Variants in MALRD1 observed in about 807,000 individuals in gnomAD.
MALRD1 encodes the protein MAM and LDL receptor class A domain containing 1, also known as MAM and LDL-receptor class A domain-containing protein 1.
A neutral mutation model predicts 242.1 loss-of-function variants in MALRD1; 247 were observed. That is an observed-to-expected ratio of 1.02 (90% confidence interval 0.92 to 1.13). MALRD1 has a LOEUF of 1.13. Ranked by LOEUF, MALRD1 falls within the 50% of genes most tolerant of loss-of-function variation. MALRD1 has a pLI of 0.00. For synonymous variants in MALRD1, 995 were observed against 866.6 expected, an observed-to-expected ratio of 1.15 and a Z score of -2.60; for missense variants, 2,989 against 2,533.1, an observed-to-expected ratio of 1.18 and a Z score of -3.86.
intron 36 of MALRD1, among the ~76,000 whole-genome samples, chr10:19,638,238 C>T (rs1023317059): frequency 9.9e-5 from 15 of 151,908 alleles, no homozygotes; most frequent in African/African-American, 2.9e-4. Context: ...AGGTCACATG[C>T]CAAAGGCTAC....
At position 19,158,056 on chromosome 10, in the gene MALRD1, A is replaced by G. The variant is rs144521582; in HGVS notation, c.1656+2884A>G. 8.7e-4 allele frequency among the ~76,000 whole-genome samples: 133 copies of G among 152,302 alleles called. 3 individuals carry two copies. In the East Asian group the frequency reaches 0.024, roughly 28 times the overall value. On this transcript the variant is annotated intron_variant, in intron 12 of 39. Coordinates refer to ENST00000454679, the MANE Select transcript of MALRD1 (RefSeq NM_001142308.3). ...AATTGGCATTTTTCTTTGAAATACA[A>G]GATAGGACAAACAGAACACGAGGGA...
At position 19,567,486 on chromosome 10, in the gene MALRD1, T is replaced by C. The variant is rs1387550160; in HGVS notation, c.5479-16T>C. The C allele has an allele frequency of 1.9e-6, 3 of 1,545,336 alleles. No homozygotes were observed. The highest frequency in any genetic ancestry group is 1.2e-5 in the South Asian group (1 of 83,054). On this transcript the variant is annotated splice_polypyrimidine_tract_variant and intron_variant, in intron 32 of 39. Coordinates refer to ENST00000454679, the MANE Select transcript of MALRD1 (RefSeq NM_001142308.3). The stretch of plus-strand genomic sequence containing the variant: ...ATATCCAATCATAAAAAGTTATTTT[T>C]TAATGATTTTTAAAGGTGTATACCA...
intron 35 of MALRD1, among the ~76,000 whole-genome samples, chr10:19,614,786 G>A (rs572190103): frequency 5.3e-5 from 8 of 152,136 alleles, no homozygotes; most frequent in African/African-American, 1.9e-4. Context: ...GACCAGGGAC[G>A]AACTTGAGTT....
intron 13 of MALRD1, among the ~76,000 whole-genome samples, chr10:19,174,047 ACTCT>A (rs1016661660): frequency 1.3e-5 from 2 of 152,114 alleles, no homozygotes; most frequent in African/African-American, 4.8e-5. Flanking sequence ...ACCAGGGAAA[ACTCT>A]CTATGTTTAT....
intron 24 of MALRD1, 31 bp downstream of exon 24, chr10:19,331,613 T>C (rs1007307016): frequency 7.3e-6 from 11 of 1,515,892 alleles, no homozygotes; most frequent in Non-Finnish European, 9.8e-6. Flanking sequence ...TTCTTACTTT[T>C]GCCTTCAACT....
intron 23 of MALRD1, among the ~76,000 whole-genome samples, chr10:19,328,560 G>C (rs765213510): frequency 3.9e-5 from 6 of 152,100 alleles, no homozygotes; most frequent in Non-Finnish European, 5.9e-5. Context: ...TGAATGTTCA[G>C]ATAAATACAT....
chr10:19,232,246 A>C (rs959026041), intron 18 of MALRD1, among the ~76,000 whole-genome samples: 2 of 151,964 alleles, frequency 1.3e-5, no homozygotes, highest in African/African-American at 2.4e-5. Flanking sequence ...TGCTCACTGC[A>C]ACCTCCACTT....
intron 38 of MALRD1, among the ~76,000 whole-genome samples, chr10:19,719,126 TG>T (rs1834567705): frequency 6.9e-6 from 1 of 144,924 alleles, no homozygotes; most frequent in African/African-American, 2.6e-5. Flanking sequence ...CACTCCAACC[TG>T]GGCAGCAGAG....
chr10:19,086,341 G>A (rs1835668330), intron 2 of MALRD1, among the ~76,000 whole-genome samples: 1 of 152,050 alleles, frequency 6.6e-6, no homozygotes, highest in Admixed American at 6.6e-5. Flanking sequence ...AGGTAGCTAT[G>A]TCATCATAGA....
intron 28 of MALRD1, among the ~76,000 whole-genome samples, chr10:19,408,171 G>C (rs1432183548): frequency 6.6e-6 from 1 of 152,164 alleles, no homozygotes; most frequent in Non-Finnish European, 1.5e-5. Flanking sequence ...TGGTCAACAG[G>C]CAGCAGGTGC....
At chr10:19,436,281 C>T (rs906838718) in intron 28 of MALRD1, among the ~76,000 whole-genome samples, 4 of 152,042 alleles carry the variant, frequency 2.6e-5, no homozygotes, top group African/African-American at 7.2e-5. Context: ...TGTAGAGATC[C>T]GTGAATATAC....
intron 32 of MALRD1, among the ~76,000 whole-genome samples, chr10:19,553,809 A>G (rs1342337917): frequency 6.6e-6 from 1 of 152,212 alleles, no homozygotes; most frequent in Non-Finnish European, 1.5e-5. Context: ...CTCTACTTCC[A>G]TTACTGATGG....
At chr10:19,573,310 A>G (rs1373471517) in intron 33 of MALRD1, among the ~76,000 whole-genome samples, 1 of 152,158 alleles carries the variant, frequency 6.6e-6, no homozygotes, top group Non-Finnish European at 1.5e-5. Flanking sequence ...CAAGGCTGGC[A>G]TGGCTCTGCA....
At chr10:19,382,675 T>G (rs566851869) in intron 26 of MALRD1, among the ~76,000 whole-genome samples, 80 of 152,298 alleles carry the variant, frequency 5.3e-4, no homozygotes, top group South Asian at 4.8e-3. Flanking sequence ...CTTTGTTCTT[T>G]CCATTAATTT....
intron 12 of MALRD1, among the ~76,000 whole-genome samples, chr10:19,161,550 C>CAAAAAAAAAAAAAAAAAA: frequency 8.2e-5 from 5 of 60,838 alleles, no homozygotes; most frequent in East Asian, 5.4e-4. Flanking sequence ...AAAAAAAAAG[C>CAAAAAAAAAAAAAAAAAA]AAAAAAAAAA....
rs962760601 is a variant in MALRD1, at chr10:19,568,111, T to G, written c.5680+408T>G. 5.3e-5 allele frequency among the ~76,000 whole-genome samples: 8 copies of G among 152,180 alleles called. No homozygotes were observed. In the East Asian group the frequency reaches 1.5e-3, roughly 29 times the overall value. On this transcript the variant is annotated intron_variant, in intron 33 of 39. Transcript: ENST00000454679. ...CAGGCCACGTTCCTTCTCCTAACCGTTTCTATTGTACAAGCTAGAATGCTC... is the reference window on the plus strand; with the variant it reads ...CAGGCCACGTTCCTTCTCCTAACCGGTTCTATTGTACAAGCTAGAATGCTC...
At chr10:19,356,276 A>G (rs192759079) in intron 26 of MALRD1, among the ~76,000 whole-genome samples, 9 of 152,208 alleles carry the variant, frequency 5.9e-5, no homozygotes, top group African/African-American at 1.7e-4. Flanking sequence ...GTCTGTATCT[A>G]TATGGAAGGG....
At chr10:19,561,035 T>C (rs1835941140) in intron 32 of MALRD1, among the ~76,000 whole-genome samples, 1 of 152,124 alleles carries the variant, frequency 6.6e-6, no homozygotes, top group African/African-American at 2.4e-5. Context: ...CTATCTAATA[T>C]ATCTAATGAC....
At chr10:19,439,263 G>T (rs1834499829) in intron 28 of MALRD1, among the ~76,000 whole-genome samples, 1 of 151,252 alleles carries the variant, frequency 6.6e-6, no homozygotes, top group African/African-American at 2.5e-5. Context: ...GGGCATGGTG[G>T]CTCTTGCCTG....
Sources: gnomAD v4.1 joint callset for allele counts (sites outside exome capture counted in the v4.1 genomes callset) on GRCh38, gnomAD v4.1.1 for gene constraint, MANE v1.5 for transcripts, NCBI Gene and HGNC (gene_info 2026-07-23, HGNC 2026-07-21) for gene names.